Variants in NR1I2 observed in about 807,000 individuals in gnomAD.
The protein encoded by NR1I2 is orphan nuclear receptor PAR1.
Under a neutral mutation model 43.3 loss-of-function variants are expected in NR1I2, and 42 were observed. The observed-to-expected ratio is 0.97, with a 90% CI of 0.76 to 1.26. The LOEUF (loss-of-function observed/expected upper bound fraction) is 1.26, where lower values mean the gene tolerates loss of function less well. Ranked by LOEUF, NR1I2 falls within the 50% of genes most tolerant of loss-of-function variation. The pLI, the probability that NR1I2 is intolerant of heterozygous loss-of-function variation, is 0.00. For synonymous variants in NR1I2, 229 were observed against 215.0 expected (o/e 1.06, Z -0.57); for missense variants, 559 against 566.7 (o/e 0.99, Z 0.14).
At chr3:119,787,756 A>G (rs559471226) in intron 1 of NR1I2, among the ~76,000 whole-genome samples, 156 of 140,788 alleles carry the variant, frequency 1.1e-3, no homozygotes, top group African/African-American at 4.1e-3. Context: ...TATATATTTA[A>G]TTATGCGTGT....
intron 1 of NR1I2, among the ~76,000 whole-genome samples, chr3:119,795,432 T>C (rs2054984797): frequency 1.3e-5 from 2 of 152,204 alleles, no homozygotes; most frequent in South Asian, 4.1e-4. Flanking sequence ...ACAGCACTGC[T>C]GGGTGTCTGC....
At position 119,791,273 on chromosome 3, in the gene NR1I2, C is replaced by T. The variant is rs555776764; in HGVS notation, c.-23+8973C>T. 4.6e-5 allele frequency among the ~76,000 whole-genome samples: 7 copies of T among 152,292 alleles called. No individual in the cohort carries two copies. The South Asian group carries it at 1.2e-3, about 27-fold the overall frequency. On this transcript the variant is annotated intron_variant, in intron 1 of 8. Transcript: ENST00000393716. ...GGCCTATGGACCTTTGCTTGGGCAC[C>T]AGGAGCTTCTCTGAGAGCAGGTTTG... is the stretch of plus-strand genomic sequence containing the variant.
At chr3:119,800,761 A>G (rs1023512588) in intron 1 of NR1I2, among the ~76,000 whole-genome samples, 3 of 152,178 alleles carry the variant, frequency 2.0e-5, no homozygotes, top group African/African-American at 4.8e-5. Flanking sequence ...AAATGGCAAG[A>G]AAAGGAGTGA....
At chr3:119,809,588 T>C (rs1455329995) in intron 2 of NR1I2, among the ~76,000 whole-genome samples, 1 of 150,170 alleles carries the variant, frequency 6.7e-6, no homozygotes, top group African/African-American at 2.4e-5. Flanking sequence ...TGGGGCGGGC[T>C]TCTCTGGTTT....
chr3:119,800,037 C>T (rs530000091), intron 1 of NR1I2, among the ~76,000 whole-genome samples: 15 of 152,244 alleles, frequency 9.9e-5, no homozygotes, highest in Admixed American at 2.6e-4. Context: ...GAAGCCTTCA[C>T]GCTTTTGGTG....
At chr3:119,785,933 G>A (rs1171660312) in intron 1 of NR1I2, among the ~76,000 whole-genome samples, 1 of 152,140 alleles carries the variant, frequency 6.6e-6, no homozygotes, top group Non-Finnish European at 1.5e-5. Flanking sequence ...AAAGTGTTTA[G>A]TAACTATTCC....
At chr3:119,794,206 G>T (rs1559784372) in intron 1 of NR1I2, among the ~76,000 whole-genome samples, 1 of 149,788 alleles carries the variant, frequency 6.7e-6, no homozygotes, top group Non-Finnish European at 1.5e-5. Context: ...TTTTTGGGGT[G>T]TTTTTTTTTG....
chr3:119,798,283 C>A (rs2055026892), intron 1 of NR1I2, among the ~76,000 whole-genome samples: 1 of 152,136 alleles, frequency 6.6e-6, no homozygotes, highest in African/African-American at 2.4e-5. Flanking sequence ...CTATCACTGT[C>A]TGTTGCTGAT....
At position 119,807,371 on chromosome 3, in the gene NR1I2, T is replaced by C; in HGVS notation, c.121T>C (p.Cys41Arg). ...TGAGGAAGTCGGAGGTCCCCAAATC[T>C]GCCGTGTATGTGGGGACAAGGCCAC... The change falls in exon 2 of 9, where the codon TGC becomes CGC. Residue 41 changes from cysteine to arginine, a missense_variant. Physicochemically the swap from Cys to Arg is radical, Grantham distance 180. This residue lies in a region of NR1I2 where 232 missense variants were observed against 236.6 expected (regional missense o/e 0.98). Transcript: ENST00000393716. The C allele has an allele frequency of 1.9e-6, 3 of 1,614,226 alleles. No individual in the cohort carries two copies. The highest frequency in any genetic ancestry group is 1.3e-5 in the African/African-American group (1 of 75,052).
intron 5 of NR1I2, among the ~76,000 whole-genome samples, chr3:119,813,704 T>C (rs1028764233): frequency 1.3e-5 from 2 of 152,124 alleles, no homozygotes; most frequent in Admixed American, 6.5e-5. Context: ...GTAGGAGTCA[T>C]GCGTGACTTA....
rs1305501325 is a variant in NR1I2, at chr3:119,809,558, C to CG, written c.198-496dup. On this transcript the variant is annotated intron_variant, in intron 2 of 8. Coordinates refer to ENST00000393716, the MANE Select transcript of NR1I2 (RefSeq NM_003889.4). ...AAGGCGGCGGGGGGTGGGGGGAAGG[C>CG]GGGGGGGAAGGCGGGGGGGTGGGGC... Among the ~76,000 whole-genome samples the CG allele has an allele frequency of 5.4e-3, 48 of 8,900 alleles. 1 individual carries two copies. Among genetic ancestry groups the CG allele is most frequent in the South Asian group, 0.011 (5 of 446 alleles). The allele number at this position is 8,900 out of a possible 152,430, so 5.8% of individuals were successfully genotyped here. A position where few individuals can be genotyped will look rare whatever the true frequency, so the allele number is the denominator to read the frequency against.
At chr3:119,811,853 G>A in intron 4 of NR1I2, 127 bp downstream of exon 4, 1 of 914,518 alleles carries the variant, frequency 1.1e-6, no homozygotes. Context: ...GGTAGATTTG[G>A]AGAGCTGGTC....
chr3:119,814,887 C>G, intron 5 of NR1I2, 92 bp from the exon 6 acceptor site: 3 of 1,540,950 alleles, frequency 1.9e-6, no homozygotes, highest in Non-Finnish European at 2.7e-6. Flanking sequence ...CTTCCTCTCG[C>G]CCCCAACTTC....
In NR1I2 at chr3:119,817,216, G is replaced by A; in HGVS notation, c.*4G>A. ...GTTCGGCATCACAGGTAGCTGAGCG[G>A]CTGCCCTTGGGTGACACCTCCGAGA... On this transcript the variant is annotated 3_prime_UTR_variant, in exon 9 of 9. Coordinates refer to ENST00000393716, the MANE Select transcript of NR1I2 (RefSeq NM_003889.4). 1 of 1,613,678 alleles carries A rather than the reference G, an allele frequency of 6.2e-7. No individual in the cohort carries two copies. The highest frequency in any genetic ancestry group is 2.2e-5 in the East Asian group (1 of 44,878).
chr3:119,808,188 A>C (rs2055187806), intron 2 of NR1I2, among the ~76,000 whole-genome samples: 1 of 152,224 alleles, frequency 6.6e-6, no homozygotes, highest in Non-Finnish European at 1.5e-5. Flanking sequence ...CCTAACAGGA[A>C]GTCTGAAGGC....
At position 119,817,326 on chromosome 3, in the gene NR1I2, C is replaced by T; in HGVS notation, c.*114C>T. 1.9e-6 allele frequency: 3 copies of T among 1,583,936 alleles called. No individual in the cohort carries two copies. Among genetic ancestry groups the T allele is most frequent in the Non-Finnish European group, 1.7e-6 (2 of 1,170,636 alleles). On this transcript the variant is annotated 3_prime_UTR_variant, in exon 9 of 9. Coordinates refer to ENST00000393716, the MANE Select transcript of NR1I2 (RefSeq NM_003889.4). ...CCAAGAGCCGACAATGCCCTGCTGG[C>T]CTGTCTCCCTAGGGAATTCCTGCTA...
chr3:119,798,369 T>C (rs995872718), intron 1 of NR1I2, among the ~76,000 whole-genome samples: 1 of 152,186 alleles, frequency 6.6e-6, no homozygotes, highest in African/African-American at 2.4e-5. Flanking sequence ...TGTCCAGAAA[T>C]GTCCAGTTGA....
In NR1I2 at chr3:119,817,101, C is replaced by G. The variant is rs769978712; in HGVS notation, c.1194C>G (p.Thr398=). ...TCCTGAAGATCATGGCTATGCTCAC[C>G]GAGCTCCGCAGCATCAATGCTCAGC... Residue 398 remains threonine (T), a synonymous_variant, in exon 9 of 9, where the codon ACC becomes ACG. Transcript: ENST00000393716. The G allele has an allele frequency of 6.2e-7, 1 of 1,614,072 alleles. No individual in the cohort carries two copies. The highest frequency in any genetic ancestry group is 8.5e-7 in the Non-Finnish European group (1 of 1,180,034).
At position 119,811,384 on chromosome 3, in the gene NR1I2, T is replaced by C. The variant is rs2055239051; in HGVS notation, c.332-155T>C. On this transcript the variant is annotated intron_variant, in intron 3 of 8. Coordinates refer to ENST00000393716, the MANE Select transcript of NR1I2 (RefSeq NM_003889.4). ...GTTTCTCCAGAAGAGCCCACAGGCCTCTTGAGTCCAGACAGGGGAGAATTG... is the reference window on the plus strand; with the variant it reads ...GTTTCTCCAGAAGAGCCCACAGGCCCCTTGAGTCCAGACAGGGGAGAATTG... 7.0e-6 allele frequency: 5 copies of C among 709,696 alleles called. No individual in the cohort carries two copies. The Admixed American group carries it at 1.5e-4, about 21-fold the overall frequency. The allele number at this position is 709,696 out of a possible 1,614,324, so 44.0% of individuals were successfully genotyped here. A position where few individuals can be genotyped will look rare whatever the true frequency, so the allele number is the denominator to read the frequency against.
Sources: allele counts gnomAD v4.1 joint callset (sites outside exome capture counted in the v4.1 genomes callset), GRCh38; gene constraint gnomAD v4.1.1; regional missense constraint gnomAD v4.1.1; transcripts MANE v1.5; gene names NCBI Gene and HGNC (gene_info 2026-07-23, HGNC 2026-07-21).